Variants in TBCA observed in about 807,000 individuals in gnomAD.
The protein encoded by TBCA is tubulin folding cofactor A.
TBCA carries 6 observed loss-of-function variants against 15.8 expected under a neutral mutation model. That is an observed-to-expected ratio of 0.38 (90% confidence interval 0.21 to 0.75). The LOEUF (loss-of-function observed/expected upper bound fraction) is 0.75. Among genes scored for constraint, TBCA ranks in the 30% least tolerant of loss-of-function variants. The pLI is 0.46. For missense variants in TBCA, 90 were observed against 131.2 expected, an observed-to-expected ratio of 0.69 and a Z score of 1.53; for synonymous variants, 32 against 42.3, an observed-to-expected ratio of 0.76 and a Z score of 0.94.
rs552617829 is a variant in TBCA, at chr5:77,725,789, A to T, written c.54-17442T>A. ...TGTAATAGTTAGCATATGCTACCATAAGTGTCTTAAGGCTCCTTGAGATGA... is the reference window on the plus strand; with the variant it reads ...TGTAATAGTTAGCATATGCTACCATTAGTGTCTTAAGGCTCCTTGAGATGA... On this transcript the variant is annotated intron_variant, in intron 1 of 3. Coordinates refer to ENST00000380377, the MANE Select transcript of TBCA (RefSeq NM_004607.3). 3.7e-3 allele frequency among the ~76,000 whole-genome samples: 569 copies of T among 152,298 alleles called. 3 individuals carry two copies. The highest frequency in any genetic ancestry group is 0.013 in the African/African-American group (544 of 41,556).
At chr5:77,730,850 T>G (rs1038612098) in intron 1 of TBCA, among the ~76,000 whole-genome samples, 5 of 152,210 alleles carry the variant, frequency 3.3e-5, no homozygotes, top group African/African-American at 1.2e-4. Context: ...GGTTATAGAA[T>G]AGGTTATAGA....
intron 3 of TBCA, 96 bp from the exon 4 acceptor site, chr5:77,691,594 A>G (rs1561260391): frequency 2.8e-6 from 4 of 1,430,816 alleles, no homozygotes; most frequent in Non-Finnish European, 1.8e-6. Context: ...GTTAATAACT[A>G]AAAAATTAAA....
chr5:77,742,121 G>A (rs1166437532), intron 1 of TBCA, among the ~76,000 whole-genome samples: 3 of 152,126 alleles, frequency 2.0e-5, no homozygotes, highest in East Asian at 3.9e-4. Context: ...CAATGCTTGC[G>A]ACAATCCACA....
chr5:77,714,642 C>T (rs905864702), intron 1 of TBCA, among the ~76,000 whole-genome samples: 21 of 151,794 alleles, frequency 1.4e-4, no homozygotes, highest in Non-Finnish European at 2.6e-4. Context: ...TCTCAGCCTA[C>T]TGCAAGCTCC....
At chr5:77,757,665 G>C (rs762080035) in intron 1 of TBCA, among the ~76,000 whole-genome samples, 5 of 152,118 alleles carry the variant, frequency 3.3e-5, no homozygotes, top group Admixed American at 6.5e-5. Flanking sequence ...ATTTGTCAAA[G>C]GTCAGAGCCA....
intron 1 of TBCA, among the ~76,000 whole-genome samples, chr5:77,750,988 T>G (rs976945590): frequency 9.2e-5 from 14 of 152,112 alleles, no homozygotes; most frequent in African/African-American, 3.4e-4. Flanking sequence ...ATAAGGGTTA[T>G]GAAGACCAAG....
At chr5:77,707,405 A>G (rs1746175354) in intron 2 of TBCA, among the ~76,000 whole-genome samples, 1 of 152,164 alleles carries the variant, frequency 6.6e-6, no homozygotes, top group Non-Finnish European at 1.5e-5. Context: ...AGGTGAGAGT[A>G]GAAGAGACCT....
At chr5:77,724,970 C>T (rs1215610097) in intron 1 of TBCA, among the ~76,000 whole-genome samples, 1 of 152,064 alleles carries the variant, frequency 6.6e-6, no homozygotes, top group Non-Finnish European at 1.5e-5. Context: ...AAAGACTGTC[C>T]TGCTCTTTCA....
chr5:77,721,328 T>C (rs1746523651), intron 1 of TBCA, among the ~76,000 whole-genome samples: 1 of 152,178 alleles, frequency 6.6e-6, no homozygotes, highest in Non-Finnish European at 1.5e-5. Context: ...CACTTTGATA[T>C]GTAATGTGTT....
intron 1 of TBCA, among the ~76,000 whole-genome samples, chr5:77,734,837 T>C (rs1054456167): frequency 1.3e-5 from 2 of 152,148 alleles, no homozygotes; most frequent in African/African-American, 4.8e-5. Context: ...TTTTAAGAAA[T>C]TGCCACAGCC....
In TBCA at chr5:77,724,439, C is replaced by T. The variant is rs575999983; in HGVS notation, c.54-16092G>A. Reference sequence around the variant, plus strand: ...ACATAAGATGAGTCCAGTTTTAGTACCAGTACATATAAAGCAAATATTTAA... The same window carrying T: ...ACATAAGATGAGTCCAGTTTTAGTATCAGTACATATAAAGCAAATATTTAA... On this transcript the variant is annotated intron_variant, in intron 1 of 3. Coordinates refer to ENST00000380377, the MANE Select transcript of TBCA (RefSeq NM_004607.3). Among the ~76,000 whole-genome samples the T allele has an allele frequency of 2.6e-4, 40 of 152,044 alleles. No individual in the cohort carries two copies. In the South Asian group the frequency reaches 7.9e-3, roughly 30 times the overall value.
rs537512264 is a variant in TBCA, at chr5:77,776,182, G to A, written c.53+23C>T. 8.2e-5 allele frequency: 128 copies of A among 1,554,414 alleles called. 2 individuals are homozygous for A. In the South Asian group the frequency reaches 1.4e-3, roughly 17 times the overall value. On this transcript the variant is annotated intron_variant, in intron 1 of 3. Coordinates refer to ENST00000380377, the MANE Select transcript of TBCA (RefSeq NM_004607.3). ...CATGAGGTGACGAAGAGGAGGTGCAGGGCGCCGCTCCCGGCTCCTTACCGC... is the reference window on the plus strand; with the variant it reads ...CATGAGGTGACGAAGAGGAGGTGCAAGGCGCCGCTCCCGGCTCCTTACCGC...
At chr5:77,707,107 T>C (rs1286943284) in intron 2 of TBCA, among the ~76,000 whole-genome samples, 4 of 151,900 alleles carry the variant, frequency 2.6e-5, no homozygotes, top group Non-Finnish European at 4.4e-5. Flanking sequence ...TCAGATGCTA[T>C]TGAGGTATTT....
intron 1 of TBCA, among the ~76,000 whole-genome samples, chr5:77,742,319 G>A (rs1310742540): frequency 6.6e-6 from 1 of 152,082 alleles, no homozygotes; most frequent in Non-Finnish European, 1.5e-5. Context: ...TATTCAACCT[G>A]TAACAAGTAC....
chr5:77,770,145 A>C (rs529191469), intron 1 of TBCA, among the ~76,000 whole-genome samples: 3 of 152,360 alleles, frequency 2.0e-5, no homozygotes, highest in African/African-American at 7.2e-5. Flanking sequence ...TAAAAAACAA[A>C]CTTTTTTATG....
At chr5:77,697,552 G>C (rs916020913) in intron 2 of TBCA, among the ~76,000 whole-genome samples, 6 of 151,838 alleles carry the variant, frequency 4.0e-5, no homozygotes, top group Non-Finnish European at 8.8e-5. Context: ...CTCAAATAAA[G>C]ACACAGATAA....
At chr5:77,726,730 A>G (rs1170757216) in intron 1 of TBCA, among the ~76,000 whole-genome samples, 1 of 152,188 alleles carries the variant, frequency 6.6e-6, no homozygotes, top group Non-Finnish European at 1.5e-5. Flanking sequence ...AAGCTGAATG[A>G]TAACATTTTT....
chr5:77,708,921 A>G (rs1746211326), intron 1 of TBCA, among the ~76,000 whole-genome samples: 1 of 152,000 alleles, frequency 6.6e-6, no homozygotes. Flanking sequence ...AGTATATTAT[A>G]ATTACAATGT....
intron 1 of TBCA, among the ~76,000 whole-genome samples, chr5:77,716,207 T>C (rs975373286): frequency 2.3e-4 from 35 of 152,300 alleles, no homozygotes; most frequent in African/African-American, 8.4e-4. Context: ...TCTAAGTTAG[T>C]GTATTTCAGG....
Sources: gnomAD v4.1 joint callset for allele counts (sites outside exome capture counted in the v4.1 genomes callset) on GRCh38, gnomAD v4.1.1 for gene constraint, MANE v1.5 for transcripts, NCBI Gene and HGNC (gene_info 2026-07-23, HGNC 2026-07-21) for gene names.